CDK7: variants seen among roughly 807,000 people sequenced by gnomAD.
CDK7 encodes the protein cyclin dependent kinase 7.
CDK7 carries 25 observed loss-of-function variants against 49.1 expected under a neutral mutation model. The observed-to-expected ratio is 0.51, with a 90% CI of 0.37 to 0.71. CDK7 has a LOEUF of 0.71. CDK7 is among the 30% of genes least tolerant of loss of function. The pLI, the probability that CDK7 is intolerant of heterozygous loss-of-function variation, is 0.00. For missense variants in CDK7, 316 were observed against 411.7 expected (o/e 0.77, Z 2.01); for synonymous variants, 107 against 140.0 (o/e 0.76, Z 1.67).
intron 9 of CDK7, among the ~76,000 whole-genome samples, chr5:69,270,740 G>A (rs1006395310): frequency 3.9e-5 from 6 of 152,112 alleles, no homozygotes; most frequent in Admixed American, 1.3e-4. Context: ...AACTTTGTGG[G>A]ATTAACTTTT....
intron 2 of CDK7, among the ~76,000 whole-genome samples, chr5:69,251,548 T>G (rs2972366): frequency 0.6 from 91,695 of 151,960 alleles, 28,200 homozygotes; most frequent in African/African-American, 0.72. Flanking sequence ...GTTTTTGTTT[T>G]TTTGTTTGTT....
chr5:69,272,875 C>A lies in CDK7; in HGVS notation c.715-17C>A. ...GCCTTTAATCCTTAAGTTTGAATTA[C>A]AAAATTATTTTTACAGGACATGTGT... On this transcript the variant is annotated splice_polypyrimidine_tract_variant and intron_variant, in intron 9 of 11. Coordinates refer to ENST00000256443, the MANE Select transcript of CDK7 (RefSeq NM_001799.4). 6.5e-7 allele frequency: 1 copy of A among 1,529,538 alleles called. No homozygotes were observed. Among genetic ancestry groups the A allele is most frequent in the Non-Finnish European group, 8.9e-7 (1 of 1,127,722 alleles). 94.7% of individuals were successfully genotyped at this position (1,529,538 alleles called of 1,614,324 possible).
intron 3 of CDK7, 97 bp from the exon 4 acceptor site, chr5:69,254,505 G>C (rs1750358386): frequency 1.6e-6 from 1 of 623,886 alleles, no homozygotes; most frequent in Non-Finnish European, 2.8e-6. Flanking sequence ...CTGGGCGACA[G>C]AGCGAGACTC....
At chr5:69,243,695 T>G (rs1217122535) in intron 2 of CDK7, among the ~76,000 whole-genome samples, 1 of 152,176 alleles carries the variant, frequency 6.6e-6, no homozygotes, top group African/African-American at 2.4e-5. Context: ...TGATAGAGAT[T>G]ACATTGAATC....
intron 10 of CDK7, among the ~76,000 whole-genome samples, chr5:69,276,220 A>G (rs1019916976): frequency 1.3e-5 from 2 of 151,872 alleles, no homozygotes; most frequent in African/African-American, 4.8e-5. Context: ...GTAGAGATGG[A>G]GTTTCGCCAC....
At chr5:69,247,467 ATAGT>A (rs1561351619) in intron 2 of CDK7, among the ~76,000 whole-genome samples, 1 of 149,060 alleles carries the variant, frequency 6.7e-6, no homozygotes, top group East Asian at 1.9e-4. Context: ...GTGTGTCTGT[ATAGT>A]TAAAGTGTGC....
chr5:69,235,241 G>T (rs1748879826), intron 1 of CDK7, 153 bp from the exon 2 acceptor site: 3 of 767,808 alleles, frequency 3.9e-6, no homozygotes, highest in East Asian at 2.7e-5. Context: ...CTGAAGAGTA[G>T]CCTGGAGCTG....
At chr5:69,260,311 C>T (rs1049358361) in intron 7 of CDK7, among the ~76,000 whole-genome samples, 1 of 152,092 alleles carries the variant, frequency 6.6e-6, no homozygotes, top group African/African-American at 2.4e-5. Flanking sequence ...GATTGCACCA[C>T]CGCACTCCAG....
intron 10 of CDK7, 28 bp downstream of exon 10, chr5:69,273,069 G>T: frequency 1.4e-6 from 2 of 1,400,920 alleles, no homozygotes; most frequent in Non-Finnish European, 1.9e-6. Flanking sequence ...TTTTATACTA[G>T]GAAATATAAA....
chr5:69,246,425 G>A (rs560647782), intron 2 of CDK7, among the ~76,000 whole-genome samples: 80 of 152,140 alleles, frequency 5.3e-4, no homozygotes, highest in African/African-American at 1.9e-3. Context: ...GTGAGCCACC[G>A]CACCCGGCCA....
chr5:69,269,158 T>TAAAA, intron 8 of CDK7, 49 bp from the exon 9 acceptor site: 1 of 1,046,902 alleles, frequency 9.6e-7, no homozygotes, highest in Non-Finnish European at 1.4e-6. Flanking sequence ...AGAAAAAAAT[T>TAAAA]AAAAAAAAAA....
chr5:69,261,518 G>GTGTGTGTGTGTA (rs1750818009), intron 7 of CDK7, among the ~76,000 whole-genome samples: 1 of 144,108 alleles, frequency 6.9e-6, no homozygotes, highest in Admixed American at 7.1e-5. Context: ...GTGTGTGTGT[G>GTGTGTGTGTGTA]TGTGTGTATG....
Position 69,241,065 on chromosome 5 carries a change from C to T in CDK7, c.126+5612C>T, listed in dbSNP as rs79270272. ...GCAATAAACATGGGAGTTCAGATAT[C>T]TCTTGGACATACAGATTCTGTTGGC... On this transcript the variant is annotated intron_variant, in intron 2 of 11. Coordinates refer to ENST00000256443, the MANE Select transcript of CDK7 (RefSeq NM_001799.4). 6.7e-3 allele frequency among the ~76,000 whole-genome samples: 1,013 copies of T among 152,280 alleles called. 7 individuals are homozygous for T. The highest frequency in any genetic ancestry group is 0.012 in the Non-Finnish European group (784 of 68,028).
At chr5:69,243,026 C>T (rs1479631141) in intron 2 of CDK7, among the ~76,000 whole-genome samples, 1 of 151,986 alleles carries the variant, frequency 6.6e-6, no homozygotes, top group African/African-American at 2.4e-5. Flanking sequence ...GCCTGGGCAA[C>T]AAGAGCAAAA....
intron 9 of CDK7, among the ~76,000 whole-genome samples, chr5:69,270,683 A>G (rs1317180844): frequency 6.6e-6 from 1 of 152,172 alleles, no homozygotes. Flanking sequence ...TAATTTTGTC[A>G]TTTCAAGAAT....
At chr5:69,255,811 T>A in intron 5 of CDK7, 1 of 384,958 alleles carries the variant, frequency 2.6e-6, no homozygotes, top group Non-Finnish European at 4.8e-6. Context: ...GCATTAGACC[T>A]ATAAGATTTG....
rs555495688 is a variant in CDK7 at position 69,264,894 on chromosome 5, C to T, written c.627+2590C>T. Among the ~76,000 whole-genome samples, 10 of 151,516 alleles carry T rather than the reference C, an allele frequency of 6.6e-5. No individual in the cohort carries two copies. In the South Asian group the frequency reaches 1.7e-3, roughly 25 times the overall value. On this transcript the variant is annotated intron_variant, in intron 8 of 11. Transcript: ENST00000256443. ...CTGAGGCAGGAGAATCGCTTGAACC[C>T]GGGATGTGGAGGTTGCAGTGAGCTG...
At chr5:69,258,866 A>T (rs780666014) in intron 6 of CDK7, among the ~76,000 whole-genome samples, 1 of 152,172 alleles carries the variant, frequency 6.6e-6, no homozygotes, top group Non-Finnish European at 1.5e-5. Flanking sequence ...TCTCGAGCCC[A>T]GGAGTTCTAG....
At chr5:69,238,285 CTTTTT>C (rs11291825) in intron 2 of CDK7, among the ~76,000 whole-genome samples, 1 of 130,020 alleles carries the variant, frequency 7.7e-6, no homozygotes, top group African/African-American at 2.9e-5. Flanking sequence ...TTTTTTTTTC[CTTTTT>C]TTTTTTTTTT....
Sources: allele counts gnomAD v4.1 joint callset (sites outside exome capture counted in the v4.1 genomes callset), GRCh38; gene constraint gnomAD v4.1.1; transcripts MANE v1.5; gene names NCBI Gene and HGNC (gene_info 2026-07-23, HGNC 2026-07-21).